The following GALNT13 variants were observed in gnomAD, a reference collection of about 807,000 sequenced individuals.
The protein encoded by GALNT13 is polypeptide N-acetylgalactosaminyltransferase 13.
Under a neutral mutation model 64.2 loss-of-function variants are expected in GALNT13, and 28 were observed. That is an observed-to-expected ratio of 0.44 (90% CI 0.32 to 0.60). The LOEUF (loss-of-function observed/expected upper bound fraction) is 0.60, where lower values mean the gene tolerates loss of function less well. GALNT13 is among the 20% of genes least tolerant of loss of function. The pLI is 0.05. For synonymous variants in GALNT13, 214 were observed against 224.6 expected (o/e 0.95, Z 0.42); for missense variants, 577 against 669.8 (o/e 0.86, Z 1.53).
the GALNT13 span, among the ~76,000 whole-genome samples, chr2:153,550,458 C>T: frequency 2.6e-5 from 4 of 151,998 alleles, no homozygotes; most frequent in Non-Finnish European, 4.4e-5. Context: ...GTCTCAAACT[C>T]CTGGCTTCAA....
intron 4 of GALNT13, among the ~76,000 whole-genome samples, chr2:154,211,803 A>G (rs374487733): frequency 6.6e-6 from 1 of 152,078 alleles, no homozygotes; most frequent in African/African-American, 2.4e-5. Flanking sequence ...ATGGTCCTAG[A>G]TAAGATATCC....
chr2:153,965,343 C>T (rs897627269), intron 3 of GALNT13, among the ~76,000 whole-genome samples: 2 of 151,996 alleles, frequency 1.3e-5, no homozygotes, highest in African/African-American at 4.8e-5. Flanking sequence ...TCTTTTCTAC[C>T]CCTACCACAT....
the GALNT13 span, among the ~76,000 whole-genome samples, chr2:153,803,875 C>A: frequency 6.6e-6 from 1 of 151,922 alleles, no homozygotes; most frequent in South Asian, 2.1e-4. Context: ...GACTTCCAGC[C>A]TTTATAACTG....
At chr2:153,424,276 G>A in the GALNT13 span, among the ~76,000 whole-genome samples, 2 of 151,092 alleles carry the variant, frequency 1.3e-5, no homozygotes, top group East Asian at 3.9e-4. Context: ...TAGATGTTTA[G>A]GAGAAAAAAA....
the GALNT13 span, among the ~76,000 whole-genome samples, chr2:153,443,179 A>G: frequency 6.6e-6 from 1 of 152,182 alleles, no homozygotes; most frequent in Non-Finnish European, 1.5e-5. Context: ...CTGGTAGCAT[A>G]GGCACCCAAG....
chr2:153,205,359 C>A, the GALNT13 span, among the ~76,000 whole-genome samples: 2 of 151,722 alleles, frequency 1.3e-5, no homozygotes, highest in Admixed American at 6.6e-5. Flanking sequence ...ATGTCACTTC[C>A]GTCTTCTCAA....
At chr2:154,225,133 TA>T (rs1193698386) in intron 4 of GALNT13, among the ~76,000 whole-genome samples, 18 of 101,938 alleles carry the variant, frequency 1.8e-4, no homozygotes, top group Admixed American at 4.9e-4. Flanking sequence ...GATAGATAGA[TA>T]GATAGATAGA....
intron 3 of GALNT13, among the ~76,000 whole-genome samples, chr2:154,024,598 T>A (rs1697801344): frequency 6.6e-6 from 1 of 152,056 alleles, no homozygotes; most frequent in Non-Finnish European, 1.5e-5. Context: ...TTTGTCTAAT[T>A]TTTTTTTCAA....
the GALNT13 span, among the ~76,000 whole-genome samples, chr2:153,381,869 T>G: frequency 6.6e-6 from 1 of 152,082 alleles, no homozygotes; most frequent in African/African-American, 2.4e-5. Flanking sequence ...TAGTCATCAG[T>G]GAGGCTGTCT....
chr2:153,690,157 A>G, the GALNT13 span, among the ~76,000 whole-genome samples: 3 of 152,090 alleles, frequency 2.0e-5, no homozygotes, highest in Admixed American at 1.3e-4. Context: ...TATAGATTTC[A>G]TCTCTTTGAA....
chr2:153,095,625 T>C, the GALNT13 span, among the ~76,000 whole-genome samples: 3 of 152,094 alleles, frequency 2.0e-5, no homozygotes, highest in Non-Finnish European at 4.4e-5. Flanking sequence ...TAGCAAAGAC[T>C]TGGAACCAAC....
At chr2:153,977,556 C>G (rs2105146850) in intron 3 of GALNT13, among the ~76,000 whole-genome samples, 1 of 152,292 alleles carries the variant, frequency 6.6e-6, no homozygotes, top group South Asian at 2.1e-4. Context: ...TCAATTACCT[C>G]CACCTGGTCC....
chr2:153,790,853 T>G, the GALNT13 span, among the ~76,000 whole-genome samples: 2 of 152,042 alleles, frequency 1.3e-5, no homozygotes, highest in African/African-American at 4.8e-5. Flanking sequence ...CATTCACAAT[T>G]GACACAAAAA....
chr2:153,406,509 G>T, the GALNT13 span, among the ~76,000 whole-genome samples: 1 of 152,088 alleles, frequency 6.6e-6, no homozygotes, highest in Admixed American at 6.6e-5. Flanking sequence ...CTGGGTTCAA[G>T]CGATTCTCGT....
the GALNT13 span, among the ~76,000 whole-genome samples, chr2:153,116,850 A>T: frequency 8.5e-6 from 1 of 118,058 alleles, no homozygotes; most frequent in Non-Finnish European, 1.6e-5. Context: ...CCCAGGCTGG[A>T]GTGCAGGGGC....
intron 8 of GALNT13, among the ~76,000 whole-genome samples, chr2:154,297,662 T>C (rs773913036): frequency 2.0e-5 from 3 of 152,314 alleles, no homozygotes; most frequent in Middle Eastern, 3.4e-3. Context: ...GATTTTGTTA[T>C]GGCAGCGCAA....
At chr2:153,635,659 A>G in the GALNT13 span, among the ~76,000 whole-genome samples, 1 of 151,986 alleles carries the variant, frequency 6.6e-6, no homozygotes, top group Non-Finnish European at 1.5e-5. Flanking sequence ...ACTCATTCGT[A>G]TCTTTGGATA....
Position 154,140,579 on chromosome 2 carries a change from C to T in GALNT13, c.311+74C>T, listed in dbSNP as rs1683205594. The T allele has an allele frequency of 1.2e-5, 13 of 1,059,596 alleles. No individual in the cohort carries two copies. In the Admixed American group the frequency reaches 2.8e-4, roughly 23 times the overall value. The allele number at this position is 1,059,596 out of a possible 1,614,324, so 65.6% of individuals were successfully genotyped here. On this transcript the variant is annotated intron_variant, in intron 4 of 12. Transcript: ENST00000392825. ...TTCAGAATCTCAGAACTTGAGCTAA[C>T]TCAGATTATATCAATTCTAGCAATG...
the GALNT13 span, among the ~76,000 whole-genome samples, chr2:153,182,146 C>A: frequency 6.6e-6 from 1 of 151,936 alleles, no homozygotes; most frequent in Non-Finnish European, 1.5e-5. Flanking sequence ...CGAGTTCACA[C>A]CATTCTCCTG....
Sources: gnomAD v4.1 joint callset for allele counts (sites outside exome capture counted in the v4.1 genomes callset) on GRCh38, gnomAD v4.1.1 for gene constraint, MANE v1.5 for transcripts, NCBI Gene and HGNC (gene_info 2026-07-23, HGNC 2026-07-21) for gene names.